TSHZ2: variants seen among roughly 807,000 people sequenced by gnomAD.
TSHZ2 encodes teashirt zinc finger homeobox 2.
TSHZ2 carries 21 observed loss-of-function variants against 74.4 expected under a neutral mutation model. The observed-to-expected ratio is 0.28, with a 90% confidence interval of 0.20 to 0.41. The LOEUF (loss-of-function observed/expected upper bound fraction) is 0.41. Ranked by LOEUF, TSHZ2 falls within the 10% of genes least tolerant of loss-of-function variation. TSHZ2 has a pLI of 1.00. For missense variants in TSHZ2, 1,244 were observed against 1,293.5 expected, an observed-to-expected ratio of 0.96 and a Z score of 0.59; for synonymous variants, 540 against 515.3, an observed-to-expected ratio of 1.05 and a Z score of -0.65.
At chr20:53,084,017 A>C (rs1191591448) in intron 1 of TSHZ2, among the ~76,000 whole-genome samples, 1 of 152,154 alleles carries the variant, frequency 6.6e-6, no homozygotes, top group Non-Finnish European at 1.5e-5. Flanking sequence ...ATTAAAAATT[A>C]AATAAGATAA....
chr20:53,249,422 A>T (rs1990275166), intron 1 of TSHZ2, among the ~76,000 whole-genome samples: 1 of 152,236 alleles, frequency 6.6e-6, no homozygotes, highest in African/African-American at 2.4e-5. Flanking sequence ...CCTTACATCC[A>T]GTAGAAGAAG....
In TSHZ2 at chr20:53,382,317, G is replaced by A. The variant is rs6097384; in HGVS notation, c.*9-104827G>A. 6.6e-5 allele frequency among the ~76,000 whole-genome samples: 10 copies of A among 152,252 alleles called. No individual in the cohort carries two copies. In the East Asian group the frequency reaches 1.4e-3, roughly 21 times the overall value. On this transcript the variant is annotated intron_variant, in intron 2 of 2. Transcript: ENST00000371497. ...AGGCTGGCTCAGGAAATGTTCCTCC[G>A]AATCTGTTGTGATTTGGCCATGCCC...
At chr20:53,453,693 A>G (rs576087688) in intron 2 of TSHZ2, among the ~76,000 whole-genome samples, 73 of 152,312 alleles carry the variant, frequency 4.8e-4, no homozygotes, top group African/African-American at 1.7e-3. Context: ...GGAATCCTTC[A>G]TACAAACATT....
intron 2 of TSHZ2, among the ~76,000 whole-genome samples, chr20:53,465,656 G>A (rs866787781): frequency 3.2e-4 from 48 of 152,246 alleles, no homozygotes; most frequent in African/African-American, 1.2e-3. Context: ...TCCCAGGCAT[G>A]TGCTGTTGGT....
intron 1 of TSHZ2, among the ~76,000 whole-genome samples, chr20:53,246,449 A>C (rs1411817565): frequency 6.6e-6 from 1 of 151,950 alleles, no homozygotes; most frequent in South Asian, 2.1e-4. Context: ...TACCTTCACA[A>C]CTGAGAACGG....
At chr20:53,032,485 G>A (rs6126730) in intron 1 of TSHZ2, among the ~76,000 whole-genome samples, 24,314 of 152,148 alleles carry the variant, frequency 0.16, 2,189 homozygotes, top group East Asian at 0.26. Context: ...CCAAAAATGG[G>A]AAGAACCACT....
chr20:53,262,419 G>A (rs1054572440), intron 2 of TSHZ2, among the ~76,000 whole-genome samples: 2 of 152,138 alleles, frequency 1.3e-5, no homozygotes, highest in Non-Finnish European at 2.9e-5. Context: ...TCCTAATGCA[G>A]TTAAAGCATT....
chr20:53,098,905 G>A (rs2095399204), intron 1 of TSHZ2, among the ~76,000 whole-genome samples: 1 of 152,160 alleles, frequency 6.6e-6, no homozygotes, highest in Non-Finnish European at 1.5e-5. Flanking sequence ...CCAGGGTTGT[G>A]GTTTTCTGTA....
intron 2 of TSHZ2, among the ~76,000 whole-genome samples, chr20:53,423,940 G>A (rs2145721701): frequency 6.6e-6 from 1 of 152,318 alleles, no homozygotes; most frequent in South Asian, 2.1e-4. Flanking sequence ...CTAGAGTCCA[G>A]GGATGCAGCT....
intron 1 of TSHZ2, among the ~76,000 whole-genome samples, chr20:52,991,751 T>C (rs533538108): frequency 6.7e-5 from 10 of 148,238 alleles, no homozygotes; most frequent in Non-Finnish European, 1.4e-4. Flanking sequence ...AAAGCTTTTC[T>C]GATGCATGAT....
At chr20:53,004,176 C>T (rs1287576777) in intron 1 of TSHZ2, among the ~76,000 whole-genome samples, 1 of 152,042 alleles carries the variant, frequency 6.6e-6, no homozygotes, top group Non-Finnish European at 1.5e-5. Flanking sequence ...CAACTTTAAA[C>T]ATATTTCATA....
intron 2 of TSHZ2, among the ~76,000 whole-genome samples, chr20:53,422,886 A>G (rs1203437588): frequency 1.3e-5 from 2 of 152,222 alleles, no homozygotes; most frequent in Non-Finnish European, 2.9e-5. Context: ...TGCAAATAAT[A>G]ATAATATCTA....
At position 53,254,536 on chromosome 20, in the gene TSHZ2, T is replaced by C; in HGVS notation, c.1078T>C (p.Tyr360His). Residue 360 changes from tyrosine to histidine, a missense_variant, in exon 2 of 3, where the codon TAT becomes CAT. Tyr to His is a moderately conservative substitution (Grantham distance 83). Around this residue, in one of 6 missense-constraint regions of TSHZ2, gnomAD observed 470 missense variants for 456.5 expected, o/e 1.03. Coordinates refer to ENST00000371497, the MANE Select transcript of TSHZ2 (RefSeq NM_173485.6). ...CTTGCAGTTGTCCTCCAACAACCGC[T>C]ATGGCTACCAAAATGGAGCCAGCTA... ...ANLQLSSNNR[Y>H]GYQNGASYTW... 1 of 1,613,968 alleles carries C rather than the reference T, an allele frequency of 6.2e-7. No homozygotes were observed. Among genetic ancestry groups the C allele is most frequent in the Non-Finnish European group, 8.5e-7 (1 of 1,179,852 alleles).
intron 2 of TSHZ2, among the ~76,000 whole-genome samples, chr20:53,313,886 C>T (rs1043087133): frequency 6.6e-6 from 1 of 152,146 alleles, no homozygotes; most frequent in African/African-American, 2.4e-5. Flanking sequence ...TCGTGGGTCC[C>T]AAGTGAGCAC....
At chr20:53,380,526 T>C (rs2145638629) in intron 2 of TSHZ2, among the ~76,000 whole-genome samples, 1 of 152,336 alleles carries the variant, frequency 6.6e-6, no homozygotes, top group South Asian at 2.1e-4. Flanking sequence ...CACTGTTCTA[T>C]AGCACAGCTA....
At chr20:53,414,936 G>C (rs1284310254) in intron 2 of TSHZ2, among the ~76,000 whole-genome samples, 1 of 152,106 alleles carries the variant, frequency 6.6e-6, no homozygotes, top group Non-Finnish European at 1.5e-5. Flanking sequence ...GACAAGAACA[G>C]CTTCTTCAGG....
intron 1 of TSHZ2, among the ~76,000 whole-genome samples, chr20:53,091,478 G>A (rs906147916): frequency 6.6e-6 from 1 of 152,158 alleles, no homozygotes; most frequent in African/African-American, 2.4e-5. Context: ...TAAATAATTT[G>A]TAAGATTTAC....
intron 2 of TSHZ2, among the ~76,000 whole-genome samples, chr20:53,472,701 G>C (rs1985851677): frequency 2.0e-5 from 3 of 151,964 alleles, no homozygotes; most frequent in Non-Finnish European, 2.9e-5. Context: ...CTCCCAGCCT[G>C]AGCGACGCAG....
intron 1 of TSHZ2, among the ~76,000 whole-genome samples, chr20:53,128,548 G>A (rs376392255): frequency 1.3e-5 from 2 of 151,974 alleles, no homozygotes; most frequent in East Asian, 3.9e-4. Context: ...TACCATAATT[G>A]TTACTGTTAC....
Sources: gnomAD v4.1 joint callset for allele counts (sites outside exome capture counted in the v4.1 genomes callset) on GRCh38, gnomAD v4.1.1 for gene constraint, gnomAD v4.1.1 regional missense constraint, MANE v1.5 for transcripts, NCBI Gene and HGNC (gene_info 2026-07-23, HGNC 2026-07-21) for gene names.